Variants in PMS1 observed in about 807,000 individuals in gnomAD.
PMS1 encodes PMS1 homolog 1, mismatch repair system component, also known as PMS1 protein homolog 1.
A neutral mutation model predicts 93.1 loss-of-function variants in PMS1; 79 were observed. The ratio of observed to expected loss-of-function variants is 0.85; its 90% CI spans 0.71 to 1.02. The LOEUF (loss-of-function observed/expected upper bound fraction) is 1.02, where lower values mean the gene tolerates loss of function less well. PMS1 is among the 50% of genes least tolerant of loss of function. The pLI, the probability that PMS1 is intolerant of heterozygous loss-of-function variation, is 0.00. For synonymous variants in PMS1, 335 were observed against 363.4 expected (o/e 0.92, Z 0.89); for missense variants, 1,064 against 1,085.3 (o/e 0.98, Z 0.28).
chr2:189,845,302 T>G (rs1403814041), intron 6 of PMS1, among the ~76,000 whole-genome samples: 1 of 152,112 alleles, frequency 6.6e-6, no homozygotes, highest in Non-Finnish European at 1.5e-5. Context: ...CCTCTAAAGA[T>G]CCATTGTTGT....
At chr2:189,799,860 A>G (rs572894434) in intron 3 of PMS1, among the ~76,000 whole-genome samples, 3 of 152,318 alleles carry the variant, frequency 2.0e-5, no homozygotes, top group Non-Finnish European at 4.4e-5. Context: ...GTTCAGGACA[A>G]CATTGCCCTA....
At chr2:189,839,031 G>T (rs1213684924) in intron 5 of PMS1, among the ~76,000 whole-genome samples, 3 of 151,394 alleles carry the variant, frequency 2.0e-5, no homozygotes, top group African/African-American at 7.3e-5. Context: ...TCTCTCTGTT[G>T]CCCACATTGG....
intron 5 of PMS1, among the ~76,000 whole-genome samples, chr2:189,828,968 T>C (rs1322132769): frequency 6.6e-6 from 1 of 152,130 alleles, no homozygotes; most frequent in Non-Finnish European, 1.5e-5. Flanking sequence ...TTTTTTGTCC[T>C]GCCTCAAATC....
intron 3 of PMS1, among the ~76,000 whole-genome samples, chr2:189,804,998 G>C (rs1297387624): frequency 6.6e-6 from 1 of 151,996 alleles, no homozygotes; most frequent in East Asian, 1.9e-4. Context: ...GCTCAAAAGA[G>C]GGCAGACACT....
In PMS1 at chr2:189,804,886, C is replaced by G. The variant is rs759244853; in HGVS notation, c.316-766C>G. On this transcript the variant is annotated intron_variant, in intron 3 of 12. Transcript: ENST00000441310. ...GCTTTCCTTGCCAGCATCCCCACTCCCCACTTTTTTTTTGTTTTTTTTCTG... is the reference window on the plus strand; with the variant it reads ...GCTTTCCTTGCCAGCATCCCCACTCGCCACTTTTTTTTTGTTTTTTTTCTG... Among the ~76,000 whole-genome samples, 144 of 152,170 alleles carry G rather than the reference C, an allele frequency of 9.5e-4. 1 individual carries two copies. The highest frequency in any genetic ancestry group is 3.3e-3 in the Admixed American group (51 of 15,258).
intron 11 of PMS1, among the ~76,000 whole-genome samples, chr2:189,868,527 A>G (rs1435843309): frequency 6.6e-6 from 1 of 152,170 alleles, no homozygotes; most frequent in African/African-American, 2.4e-5. Context: ...TATAGTTTCC[A>G]TACTCAACTG....
chr2:189,791,142 T>C (rs993482118), intron 1 of PMS1, among the ~76,000 whole-genome samples: 2 of 152,148 alleles, frequency 1.3e-5, no homozygotes, highest in African/African-American at 4.8e-5. Flanking sequence ...TTATTTTTAT[T>C]CATAGGCATT....
At chr2:189,790,089 T>A (rs189150632) in intron 1 of PMS1, among the ~76,000 whole-genome samples, 70 of 152,268 alleles carry the variant, frequency 4.6e-4, no homozygotes, top group Non-Finnish European at 8.8e-4. Context: ...ATTATTGGCT[T>A]TGAGGAGCCA....
intron 6 of PMS1, among the ~76,000 whole-genome samples, chr2:189,851,096 T>C (rs977592920): frequency 6.6e-6 from 1 of 152,194 alleles, no homozygotes; most frequent in Non-Finnish European, 1.5e-5. Flanking sequence ...TGGCCTGATT[T>C]TCACTTTTTA....
chr2:189,857,198 T>C (rs575847998), intron 9 of PMS1, among the ~76,000 whole-genome samples: 40 of 152,246 alleles, frequency 2.6e-4, no homozygotes, highest in African/African-American at 9.6e-4. Context: ...GAAAGGGAAT[T>C]TTTCTGTTGA....
chr2:189,834,587 C>T (rs1416467777), intron 5 of PMS1, among the ~76,000 whole-genome samples: 1 of 151,944 alleles, frequency 6.6e-6, no homozygotes, highest in Non-Finnish European at 1.5e-5. Flanking sequence ...AAAATATTTC[C>T]GATGTAAATA....
chr2:189,814,285 C>A (rs1307374036), intron 4 of PMS1, among the ~76,000 whole-genome samples: 2 of 151,672 alleles, frequency 1.3e-5, no homozygotes, highest in African/African-American at 4.9e-5. Flanking sequence ...CAAGGAAATG[C>A]TCTATATAAA....
intron 3 of PMS1, among the ~76,000 whole-genome samples, chr2:189,802,527 T>G (rs2049981656): frequency 6.6e-6 from 1 of 152,210 alleles, no homozygotes; most frequent in Non-Finnish European, 1.5e-5. Flanking sequence ...CCTGCACAGT[T>G]CAGACTTGTG....
At chr2:189,835,411 T>C (rs1349130948) in intron 5 of PMS1, among the ~76,000 whole-genome samples, 1 of 152,224 alleles carries the variant, frequency 6.6e-6, no homozygotes, top group East Asian at 1.9e-4. Flanking sequence ...AATTTTATAC[T>C]GAATTCAAAA....
chr2:189,860,667 C>G (rs1220454903), intron 9 of PMS1, among the ~76,000 whole-genome samples: 2 of 151,982 alleles, frequency 1.3e-5, no homozygotes, highest in Non-Finnish European at 2.9e-5. Flanking sequence ...AGTATATGTT[C>G]TGTCTTGACA....
intron 7 of PMS1, among the ~76,000 whole-genome samples, chr2:189,853,676 C>T (rs1307294245): frequency 1.3e-5 from 2 of 151,520 alleles, no homozygotes; most frequent in Non-Finnish European, 2.9e-5. Flanking sequence ...CCACTATGCC[C>T]GGCTAATTTT....
intron 2 of PMS1, among the ~76,000 whole-genome samples, chr2:189,793,694 A>G (rs566771977): frequency 1.3e-5 from 2 of 152,350 alleles, no homozygotes; most frequent in East Asian, 3.9e-4. Flanking sequence ...TACAAAGCCA[A>G]CAGAAGTCCT....
chr2:189,817,211 A>G (rs1192695937), intron 4 of PMS1, among the ~76,000 whole-genome samples: 4 of 152,224 alleles, frequency 2.6e-5, no homozygotes, highest in Non-Finnish European at 5.9e-5. Context: ...GTTGAGAAGC[A>G]CTACACTATA....
intron 5 of PMS1, among the ~76,000 whole-genome samples, chr2:189,833,389 C>T (rs2053121680): frequency 3.3e-5 from 5 of 152,176 alleles, no homozygotes; most frequent in Admixed American, 3.3e-4. Context: ...AGAGACCATC[C>T]TGGCCAACAT....
Sources: allele counts gnomAD v4.1 joint callset (sites outside exome capture counted in the v4.1 genomes callset), GRCh38; gene constraint gnomAD v4.1.1; transcripts MANE v1.5; gene names NCBI Gene and HGNC (gene_info 2026-07-23, HGNC 2026-07-21).